The following HEMK2 variants were observed in gnomAD, a reference collection of about 807,000 sequenced individuals.
HEMK2 encodes methyltransferase HEMK2.
the HEMK2 span, among the ~76,000 whole-genome samples, chr21:28,850,264 G>A: frequency 0.12 from 15,345 of 128,650 alleles, 1,019 homozygotes; most frequent in East Asian, 0.36. Flanking sequence ...TCTCTCTGTC[G>A]CCCAGGCTGG....
the HEMK2 span, among the ~76,000 whole-genome samples, chr21:28,645,818 C>T: frequency 6.6e-6 from 1 of 152,128 alleles, no homozygotes; most frequent in South Asian, 2.1e-4. Context: ...GAAGTAGGCC[C>T]TCACTAGACA....
the HEMK2 span, among the ~76,000 whole-genome samples, chr21:28,793,716 T>A: frequency 2.0e-5 from 3 of 152,156 alleles, no homozygotes; most frequent in African/African-American, 7.2e-5. Flanking sequence ...ATGTTAAGAA[T>A]CTTGAAAACA....
chr21:28,787,907 G>A, the HEMK2 span, among the ~76,000 whole-genome samples: 19 of 152,170 alleles, frequency 1.2e-4, no homozygotes, highest in South Asian at 6.2e-4. Flanking sequence ...ATACTTGCAC[G>A]TGCATGTTTA....
chr21:28,703,729 C>T, the HEMK2 span, among the ~76,000 whole-genome samples: 2 of 152,190 alleles, frequency 1.3e-5, no homozygotes, highest in African/African-American at 4.8e-5. Flanking sequence ...ACATCCCTTA[C>T]ATTTTATCAG....
At chr21:28,712,101 G>A in the HEMK2 span, among the ~76,000 whole-genome samples, 1 of 152,130 alleles carries the variant, frequency 6.6e-6, no homozygotes, top group African/African-American at 2.4e-5. Context: ...CCATAGCAGA[G>A]GACAATCTCC....
At chr21:28,832,720 T>C in the HEMK2 span, among the ~76,000 whole-genome samples, 2 of 152,342 alleles carry the variant, frequency 1.3e-5, no homozygotes, top group South Asian at 2.1e-4. Flanking sequence ...ATCTCACTTA[T>C]CCATTGCTAG....
the HEMK2 span, chr21:28,883,211 T>C: frequency 4.0e-6 from 2 of 497,132 alleles, no homozygotes; most frequent in South Asian, 5.4e-5. Flanking sequence ...TAGAAATTTA[T>C]AATTTCTGAC....
At chr21:28,613,162 T>G in the HEMK2 span, among the ~76,000 whole-genome samples, 2 of 151,888 alleles carry the variant, frequency 1.3e-5, no homozygotes, top group African/African-American at 4.8e-5. Context: ...ATATATATAT[T>G]ATATACAAAA....
At chr21:28,707,245 G>T in the HEMK2 span, among the ~76,000 whole-genome samples, 2 of 149,604 alleles carry the variant, frequency 1.3e-5, no homozygotes, top group Non-Finnish European at 3.0e-5. Context: ...TAGAAGAGTT[G>T]CACAATTTTA....
chr21:28,712,758 T>G, the HEMK2 span, among the ~76,000 whole-genome samples: 1 of 152,210 alleles, frequency 6.6e-6, no homozygotes, highest in Non-Finnish European at 1.5e-5. Flanking sequence ...AATTGATACA[T>G]TACAATTGTT....
chr21:28,882,982 T>A, the HEMK2 span: 1 of 1,573,266 alleles, frequency 6.4e-7, no homozygotes, highest in East Asian at 2.3e-5. Flanking sequence ...ATGATATACT[T>A]ACATGTACAA....
the HEMK2 span, among the ~76,000 whole-genome samples, chr21:28,866,175 A>ACAAAAAAAC: frequency 1.0e-4 from 8 of 76,234 alleles, no homozygotes; most frequent in South Asian, 6.1e-4. Flanking sequence ...CAAAAAAAAA[A>ACAAAAAAAC]ACACACACAC....
chr21:28,779,298 A>G, the HEMK2 span, among the ~76,000 whole-genome samples: 1 of 152,216 alleles, frequency 6.6e-6, no homozygotes, highest in Non-Finnish European at 1.5e-5. Flanking sequence ...AAAATAAGGA[A>G]ATTCTGTCAT....
chr21:28,695,872 C>G, the HEMK2 span, among the ~76,000 whole-genome samples: 1 of 151,820 alleles, frequency 6.6e-6, no homozygotes, highest in Admixed American at 6.6e-5. Context: ...ACCTATGAGC[C>G]TGTAAAATCA....
the HEMK2 span, among the ~76,000 whole-genome samples, chr21:28,597,662 G>A: frequency 0.018 from 2,708 of 152,246 alleles, 106 homozygotes; most frequent in African/African-American, 0.063. Context: ...AAGGACATTT[G>A]CCAGTCATGC....
the HEMK2 span, among the ~76,000 whole-genome samples, chr21:28,776,635 TG>T: frequency 1.3e-5 from 2 of 152,210 alleles, no homozygotes; most frequent in Non-Finnish European, 2.9e-5. Context: ...GAAGCCAGTC[TG>T]AGTCCCAAAA....
the HEMK2 span, among the ~76,000 whole-genome samples, chr21:28,600,483 G>A: frequency 6.6e-6 from 1 of 152,202 alleles, no homozygotes; most frequent in Non-Finnish European, 1.5e-5. Context: ...GGCACCCTGG[G>A]CCCGGCCCAT....
At chr21:28,807,611 A>G in the HEMK2 span, among the ~76,000 whole-genome samples, 3 of 152,298 alleles carry the variant, frequency 2.0e-5, no homozygotes, top group Admixed American at 2.0e-4. Context: ...CATCCCTGAT[A>G]AGGGAATGTG....
At chr21:28,777,996 T>C in the HEMK2 span, among the ~76,000 whole-genome samples, 3 of 152,224 alleles carry the variant, frequency 2.0e-5, no homozygotes, top group Non-Finnish European at 4.4e-5. Flanking sequence ...TAGAAAAGAA[T>C]TGTCATAAAT....
Sources: gnomAD v4.1 joint callset for allele counts (sites outside exome capture counted in the v4.1 genomes callset) on GRCh38, gnomAD v4.1.1 for gene constraint, MANE v1.5 for transcripts, NCBI Gene and HGNC (gene_info 2026-07-23, HGNC 2026-07-21) for gene names.